The following RASSF5 variants were observed in gnomAD, a reference collection of about 807,000 sequenced individuals.
The protein encoded by RASSF5 is ras association domain-containing protein 5.
Under a neutral mutation model 40.5 loss-of-function variants are expected in RASSF5, and 25 were observed. The observed-to-expected ratio is 0.62, with a 90% CI of 0.45 to 0.86. The LOEUF (loss-of-function observed/expected upper bound fraction) is 0.86, where lower values mean the gene tolerates loss of function less well. RASSF5 is among the 40% of genes least tolerant of loss of function. The pLI is 0.00. For missense variants in RASSF5, 521 were observed against 572.8 expected (o/e 0.91, Z 0.92); for synonymous variants, 246 against 252.4 (o/e 0.97, Z 0.24).
intron 1 of RASSF5, among the ~76,000 whole-genome samples, chr1:206,509,742 T>C (rs782153647): frequency 5.3e-5 from 8 of 152,002 alleles, no homozygotes; most frequent in Non-Finnish European, 1.0e-4. Flanking sequence ...TTTTTTTGGT[T>C]TGGTGATAAT....
Position 206,584,614 on chromosome 1 carries a change from C to T in RASSF5, c.918C>T (p.Leu306=), listed in dbSNP as rs1553407162. 6.2e-7 allele frequency: 1 copy of T among 1,614,084 alleles called. No homozygotes were observed. The highest frequency in any genetic ancestry group is 8.5e-7 in the Non-Finnish European group (1 of 1,180,050). Reference sequence around the variant, plus strand: ...TCAGTGAGGTCATCCAGGGGCTGCTCAAGAAGTTCATGGTTGTGGACAATC... The same window carrying T: ...TCAGTGAGGTCATCCAGGGGCTGCTTAAGAAGTTCATGGTTGTGGACAATC... ...TTVSEVIQGL[L]KKFMVVDNPQ... The change falls in exon 4 of 6, where the codon CTC becomes CTT. Residue 306 remains leucine (L), a synonymous_variant. Transcript: ENST00000579436. This position sits in a 1 kb window ranked among gnomAD's most constrained non-coding sequence, Gnocchi z 4.9.
chr1:206,523,172 C>T (rs1020974831), intron 1 of RASSF5, among the ~76,000 whole-genome samples: 4 of 150,752 alleles, frequency 2.7e-5, no homozygotes, highest in African/African-American at 4.9e-5. Context: ...GGCATGGTGG[C>T]GGGCACCTGT....
At chr1:206,576,666 T>A (rs1030238109) in intron 2 of RASSF5, among the ~76,000 whole-genome samples, 7 of 152,180 alleles carry the variant, frequency 4.6e-5, no homozygotes, top group Non-Finnish European at 1.0e-4. Context: ...GATGGAGAGA[T>A]GGCTATAGAC....
At chr1:206,510,022 G>A (rs1355957188) in intron 1 of RASSF5, among the ~76,000 whole-genome samples, 2 of 152,130 alleles carry the variant, frequency 1.3e-5, no homozygotes, top group Non-Finnish European at 2.9e-5. Context: ...AACTGGAATC[G>A]AGGGGCTACA....
intron 2 of RASSF5, among the ~76,000 whole-genome samples, chr1:206,541,451 C>T (rs1369321250): frequency 6.6e-6 from 1 of 152,108 alleles, no homozygotes; most frequent in Non-Finnish European, 1.5e-5. Context: ...GGAATGAGCT[C>T]AGAATCCCCA....
Position 206,583,323 on chromosome 1 carries a change from A to C in RASSF5, c.634A>C (p.Lys212Gln). 1.2e-6 allele frequency: 2 copies of C among 1,613,396 alleles called. No individual in the cohort carries two copies. The highest frequency in any genetic ancestry group is 1.7e-6 in the Non-Finnish European group (2 of 1,179,670). Residue 212 changes from lysine to glutamine, a missense_variant, in exon 3 of 6, where the codon AAG (lysine) becomes CAG (glutamine). Transcript: ENST00000579436. ...TQRPPTLQEIKQKIDSYNTRE... is the reference protein window; with the variant it reads ...TQRPPTLQEIQQKIDSYNTRE... ...GCGCCCGCCCACACTGCAGGAGATC[A>C]AGCAGAAGATCGACAGCTACAACAC...
intron 2 of RASSF5, among the ~76,000 whole-genome samples, chr1:206,576,672 T>C (rs532396745): frequency 7.2e-5 from 11 of 152,206 alleles, no homozygotes; most frequent in Non-Finnish European, 8.8e-5. Context: ...GAGATGGCTA[T>C]AGACTGGAGA....
chr1:206,572,097 G>A (rs532741504), intron 2 of RASSF5, among the ~76,000 whole-genome samples: 3 of 152,252 alleles, frequency 2.0e-5, no homozygotes, highest in Admixed American at 2.0e-4. Flanking sequence ...AAGTAAATGG[G>A]TCCATGGACC....
intron 1 of RASSF5, among the ~76,000 whole-genome samples, chr1:206,519,593 T>C (rs548218890): frequency 6.6e-6 from 1 of 152,306 alleles, no homozygotes; most frequent in East Asian, 1.9e-4. Flanking sequence ...GGAGCATACA[T>C]ACTTTTCTTG....
At chr1:206,565,400 G>A (rs1463124098) in intron 2 of RASSF5, among the ~76,000 whole-genome samples, 2 of 152,292 alleles carry the variant, frequency 1.3e-5, no homozygotes, top group East Asian at 3.9e-4. Flanking sequence ...CTTTCCTTCC[G>A]GAGTGAAGCC....
intron 2 of RASSF5, among the ~76,000 whole-genome samples, chr1:206,538,899 G>A (rs1553399021): frequency 6.6e-6 from 1 of 152,216 alleles, no homozygotes; most frequent in Non-Finnish European, 1.5e-5. Flanking sequence ...TACCAAGCAT[G>A]GGTGAGAGTT....
At position 206,584,926 on chromosome 1, in the gene RASSF5, T is replaced by C; in HGVS notation, c.988+242T>C. 2 of 607,922 alleles carry C rather than the reference T, an allele frequency of 3.3e-6. No individual in the cohort carries two copies. Among genetic ancestry groups the C allele is most frequent in the East Asian group, 5.5e-5 (2 of 36,484 alleles). The allele number at this position is 607,922 out of a possible 1,614,324, so 37.7% of individuals were successfully genotyped here. On this transcript the variant is annotated intron_variant, in intron 4 of 5. Coordinates refer to ENST00000579436, the MANE Select transcript of RASSF5 (RefSeq NM_182663.4). The surrounding 1 kb of genome is among the most constrained non-coding windows in gnomAD (Gnocchi z 4.9). ...GGCTCCCATTTCCTGATCTGTGCAATGGGAGGAATCTGCCCCACCATTCCT... is the reference window on the plus strand; with the variant it reads ...GGCTCCCATTTCCTGATCTGTGCAACGGGAGGAATCTGCCCCACCATTCCT...
intron 2 of RASSF5, among the ~76,000 whole-genome samples, chr1:206,575,815 A>G (rs1271672577): frequency 6.6e-6 from 1 of 152,208 alleles, no homozygotes; most frequent in Non-Finnish European, 1.5e-5. Context: ...ATGGTCTTGC[A>G]TTTGTTCTCA....
rs184658280 is a variant in RASSF5, at chr1:206,518,000, G to A, written c.457+9941G>A. On this transcript the variant is annotated intron_variant, in intron 1 of 5. Coordinates refer to ENST00000579436, the MANE Select transcript of RASSF5 (RefSeq NM_182663.4). ...ACCATCCCCAAAGAAATCCATTAAC[G>A]AGCTCCTGGGCTGGGCACGTGGTGT... 2.9e-3 allele frequency among the ~76,000 whole-genome samples: 442 copies of A among 152,190 alleles called. 2 individuals carry two copies. Among genetic ancestry groups the A allele is most frequent in the Middle Eastern group, 0.014 (4 of 294 alleles).
At chr1:206,517,058 G>C (rs557524732) in intron 1 of RASSF5, among the ~76,000 whole-genome samples, 1 of 152,332 alleles carries the variant, frequency 6.6e-6, no homozygotes, top group East Asian at 1.9e-4. Context: ...AAGCATTAGG[G>C]AGAAAGAATC....
intron 1 of RASSF5, among the ~76,000 whole-genome samples, chr1:206,528,608 AC>A (rs1553397534): frequency 6.6e-6 from 1 of 152,198 alleles, no homozygotes; most frequent in Non-Finnish European, 1.5e-5. Flanking sequence ...TGACAAATGT[AC>A]CACTCTGGTG....
At chr1:206,528,520 G>A (rs1297797969) in intron 1 of RASSF5, among the ~76,000 whole-genome samples, 6 of 152,218 alleles carry the variant, frequency 3.9e-5, no homozygotes, top group Non-Finnish European at 5.9e-5. Context: ...GCCATAGAAC[G>A]TACAGCACCA....
intron 2 of RASSF5, among the ~76,000 whole-genome samples, chr1:206,558,727 G>A (rs1357593502): frequency 2.5e-4 from 38 of 152,190 alleles, no homozygotes; most frequent in African/African-American, 9.2e-4. Flanking sequence ...AGAGGCCCAA[G>A]AACCAAAGAA....
At chr1:206,556,291 T>C (rs1553401749) in intron 2 of RASSF5, among the ~76,000 whole-genome samples, 1 of 152,218 alleles carries the variant, frequency 6.6e-6, no homozygotes, top group Non-Finnish European at 1.5e-5. Context: ...ACTCCGAGCC[T>C]TACTTTTCTC....
Sources: allele counts gnomAD v4.1 joint callset (sites outside exome capture counted in the v4.1 genomes callset), GRCh38; gene constraint gnomAD v4.1.1; non-coding constraint Gnocchi (gnomAD v3.1); transcripts MANE v1.5; gene names NCBI Gene and HGNC (gene_info 2026-07-23, HGNC 2026-07-21).